The following CDH18 variants were observed in gnomAD, a reference collection of about 807,000 sequenced individuals.
The protein encoded by CDH18 is cadherin 18.
In CDH18, 31 loss-of-function variants were observed where a neutral mutation model predicts 67.9. That is an observed-to-expected ratio of 0.46 (90% CI 0.34 to 0.62). The LOEUF (loss-of-function observed/expected upper bound fraction) is 0.62, where lower values mean the gene tolerates loss of function less well. Ranked by LOEUF, CDH18 falls within the 20% of genes least tolerant of loss-of-function variation. The pLI is 0.01. For synonymous variants in CDH18, 362 were observed against 347.2 expected (o/e 1.04, Z -0.48); for missense variants, 890 against 975.5 (o/e 0.91, Z 1.17).
intron 1 of CDH18, among the ~76,000 whole-genome samples, chr5:20,325,510 C>T (rs1160874255): frequency 1.3e-5 from 2 of 152,290 alleles, no homozygotes; most frequent in Non-Finnish European, 1.5e-5. Context: ...CCTCCAACTT[C>T]ATCCACTGTG....
chr5:20,446,395 C>A (rs1001431221), intron 1 of CDH18, among the ~76,000 whole-genome samples: 4 of 152,008 alleles, frequency 2.6e-5, no homozygotes, highest in Admixed American at 6.6e-5. Flanking sequence ...ATCTAACTAC[C>A]TAACAAACCC....
In CDH18 at chr5:19,897,378, C is replaced by T. The variant is rs566429886; in HGVS notation, c.-256-58136G>A. On this transcript the variant is annotated intron_variant, in intron 2 of 12. Coordinates refer to ENST00000382275, the MANE Select transcript of CDH18 (RefSeq NM_004934.5). ...TGTGAATGAAGACCACAAGGTGATA[C>T]CACTATATACTCAGCAGAATGGCTG... 5.9e-5 allele frequency among the ~76,000 whole-genome samples: 9 copies of T among 152,148 alleles called. No individual in the cohort carries two copies. The East Asian group carries it at 1.5e-3, about 26-fold the overall frequency.
intron 8 of CDH18, among the ~76,000 whole-genome samples, chr5:19,566,310 G>A (rs918681805): frequency 6.6e-6 from 1 of 152,202 alleles, no homozygotes; most frequent in Admixed American, 6.5e-5. Context: ...ATGGAGAACA[G>A]TTTGACAGTT....
intron 1 of CDH18, among the ~76,000 whole-genome samples, chr5:20,271,304 G>A (rs77477041): frequency 0.014 from 2,131 of 152,138 alleles, 60 homozygotes; most frequent in African/African-American, 0.049. Flanking sequence ...CGAGAGGCTG[G>A]TCAATGATTA....
intron 5 of CDH18, among the ~76,000 whole-genome samples, chr5:19,697,713 T>C (rs931063771): frequency 1.3e-5 from 2 of 152,178 alleles, no homozygotes; most frequent in South Asian, 2.1e-4. Flanking sequence ...AAAAACACTT[T>C]GTTAGGGTCA....
chr5:20,333,518 A>G (rs1561980164), intron 1 of CDH18, among the ~76,000 whole-genome samples: 1 of 115,658 alleles, frequency 8.6e-6, no homozygotes, highest in Non-Finnish European at 1.8e-5. Flanking sequence ...AAAAAAAAAA[A>G]CAATATATAT....
intron 2 of CDH18, among the ~76,000 whole-genome samples, chr5:20,052,914 C>T (rs1459072265): frequency 9.9e-5 from 15 of 152,044 alleles, no homozygotes; most frequent in Admixed American, 9.2e-4. Context: ...GATGTTTCCT[C>T]CTTCTCTTGT....
At chr5:20,506,320 A>G (rs1308854675) in intron 1 of CDH18, among the ~76,000 whole-genome samples, 1 of 152,186 alleles carries the variant, frequency 6.6e-6, no homozygotes, top group Non-Finnish European at 1.5e-5. Context: ...TGTGTCCATA[A>G]CTTTGTGATT....
intron 1 of CDH18, among the ~76,000 whole-genome samples, chr5:20,451,114 A>G (rs1367367368): frequency 6.6e-6 from 1 of 152,156 alleles, no homozygotes; most frequent in Non-Finnish European, 1.5e-5. Context: ...GCCAAACCAC[A>G]TCGTTCATTA....
chr5:20,338,993 C>G (rs1206608612), intron 1 of CDH18, among the ~76,000 whole-genome samples: 1 of 152,166 alleles, frequency 6.6e-6, no homozygotes, highest in Non-Finnish European at 1.5e-5. Flanking sequence ...TGACAGCCGA[C>G]AGGAGCCAGG....
chr5:19,837,420 A>G (rs1407406290), intron 3 of CDH18, among the ~76,000 whole-genome samples: 2 of 152,148 alleles, frequency 1.3e-5, no homozygotes, highest in Admixed American at 1.3e-4. Flanking sequence ...TTTTTAAAAA[A>G]AAAAGGATTT....
At chr5:19,696,185 A>G (rs1470385638) in intron 5 of CDH18, among the ~76,000 whole-genome samples, 3 of 152,054 alleles carry the variant, frequency 2.0e-5, no homozygotes, top group Non-Finnish European at 4.4e-5. Flanking sequence ...ATTTAGTGGA[A>G]AAGAAGACTG....
chr5:19,536,130 GA>G (rs1421849230), intron 9 of CDH18, among the ~76,000 whole-genome samples: 8 of 152,124 alleles, frequency 5.3e-5, no homozygotes, highest in Non-Finnish European at 1.2e-4. Context: ...ACAATACTAT[GA>G]TGAACAAAGA....
chr5:20,128,302 G>T (rs542084957), intron 2 of CDH18, among the ~76,000 whole-genome samples: 2 of 151,972 alleles, frequency 1.3e-5, no homozygotes, highest in Non-Finnish European at 2.9e-5. Flanking sequence ...AATACACAAA[G>T]ATATGGTGCT....
chr5:20,231,886 T>C (rs1266250936), intron 2 of CDH18, among the ~76,000 whole-genome samples: 1 of 152,068 alleles, frequency 6.6e-6, no homozygotes, highest in African/African-American at 2.4e-5. Flanking sequence ...CTATAAAAAT[T>C]AAAATTATAG....
At chr5:19,719,900 C>CAAGAGAAAGAAAGA (rs1765807226) in intron 5 of CDH18, among the ~76,000 whole-genome samples, 1 of 76,478 alleles carries the variant, frequency 1.3e-5, no homozygotes, top group African/African-American at 6.6e-5. Flanking sequence ...AAGAGTTAAG[C>CAAGAGAAAGAAAGA]AAGAGAAAGA....
chr5:20,205,407 G>A lies in CDH18; in HGVS notation c.-518+50037C>T, dbSNP rs117419125. ...ACAAACATTAATAGATCTAAAGGGA[G>A]AGATACACTGCAATATTATAGTAGT... On this transcript the variant is annotated intron_variant, in intron 2 of 14. Transcript: ENST00000507958. 7.2e-5 allele frequency among the ~76,000 whole-genome samples: 11 copies of A among 151,982 alleles called. No homozygotes were observed. In the East Asian group the frequency reaches 1.5e-3, roughly 21 times the overall value.
intron 1 of CDH18, among the ~76,000 whole-genome samples, chr5:20,485,563 T>G (rs574640810): frequency 6.6e-6 from 1 of 152,286 alleles, no homozygotes; most frequent in Admixed American, 6.5e-5. Context: ...AAAGTTCATC[T>G]AATAAATTTC....
At chr5:20,260,535 G>C (rs1744569911) in intron 1 of CDH18, among the ~76,000 whole-genome samples, 2 of 152,130 alleles carry the variant, frequency 1.3e-5, no homozygotes, top group East Asian at 1.9e-4. Context: ...AACCCTGAAA[G>C]GGGGTGGACA....
Sources: gnomAD v4.1 joint callset for allele counts (sites outside exome capture counted in the v4.1 genomes callset) on GRCh38, gnomAD v4.1.1 for gene constraint, MANE v1.5 for transcripts, NCBI Gene and HGNC (gene_info 2026-07-23, HGNC 2026-07-21) for gene names.